Variants in MACROH2A1 observed in about 807,000 individuals in gnomAD.
The protein encoded by MACROH2A1 is macroH2A.1 histone, also known as core histone macro-H2A.1.
In MACROH2A1, 2 loss-of-function variants were observed where a neutral mutation model predicts 31.6. That is an observed-to-expected ratio of 0.06 (90% CI 0.03 to 0.20). The LOEUF is 0.20. Ranked by LOEUF, MACROH2A1 falls within the 10% of genes least tolerant of loss-of-function variation. The pLI, the probability that MACROH2A1 is intolerant of heterozygous loss-of-function variation, is 1.00. For missense variants in MACROH2A1, 230 were observed against 474.0 expected (o/e 0.49, Z 4.78); for synonymous variants, 169 against 189.6 (o/e 0.89, Z 0.89).
rs1760778564 is a variant in MACROH2A1 at position 135,346,004 on chromosome 5, G to A, written c.742C>T (p.Leu248Phe). 6.2e-7 allele frequency: 1 copy of A among 1,613,830 alleles called. No homozygotes were observed. The highest frequency in any genetic ancestry group is 8.5e-7 in the Non-Finnish European group (1 of 1,179,824). The change falls in exon 7 of 9, where the codon CTC (leucine) becomes TTC (phenylalanine). Residue 248 changes from leucine to phenylalanine, a missense_variant. Leu to Phe is a conservative substitution (Grantham distance 22). This residue lies in a region of MACROH2A1 where 183 missense variants were observed against 319.3 expected (regional missense o/e 0.57). Transcript: ENST00000511689. The stretch of plus-strand genomic sequence containing the variant: ...TCCAAGGGCCCGTTCTTTTTCCGGA[G>A]TTCCAGGACAGCTTCCACAAACTCC... ...GKEFVEAVLELRKKNGPLEVA... is the reference protein window; with the variant it reads ...GKEFVEAVLEFRKKNGPLEVA...
chr5:135,376,789 A>G (rs1764935759), intron 2 of MACROH2A1, among the ~76,000 whole-genome samples: 1 of 152,238 alleles, frequency 6.6e-6, no homozygotes, highest in Non-Finnish European at 1.5e-5. Context: ...TAGTATACTC[A>G]GTAAATTCAA....
intron 8 of MACROH2A1, among the ~76,000 whole-genome samples, chr5:135,340,045 T>G (rs1759528136): frequency 6.6e-6 from 1 of 152,094 alleles, no homozygotes; most frequent in African/African-American, 2.4e-5. Context: ...CCAGGTAGTG[T>G]TTTATGCACA....
intron 4 of MACROH2A1, among the ~76,000 whole-genome samples, chr5:135,366,564 G>A (rs1350731317): frequency 5.3e-5 from 8 of 151,642 alleles, no homozygotes; most frequent in African/African-American, 1.9e-4. Flanking sequence ...AAAATAGGGG[G>A]CTCATACGAT....
intron 2 of MACROH2A1, among the ~76,000 whole-genome samples, chr5:135,376,614 C>G (rs1440486454): frequency 6.6e-6 from 1 of 152,092 alleles, no homozygotes; most frequent in African/African-American, 2.4e-5. Flanking sequence ...GGTGAGAGCC[C>G]GGGGTCTGCT....
intron 2 of MACROH2A1, among the ~76,000 whole-genome samples, chr5:135,377,292 T>C (rs1287055632): frequency 6.6e-6 from 1 of 152,242 alleles, no homozygotes; most frequent in African/African-American, 2.4e-5. Context: ...AATCACTTGC[T>C]GTCAAGGACT....
At chr5:135,335,667 C>T (rs371137989) in intron 8 of MACROH2A1, among the ~76,000 whole-genome samples, 30 of 152,310 alleles carry the variant, frequency 2.0e-4, no homozygotes, top group East Asian at 1.2e-3. Flanking sequence ...GAGGCCAGAA[C>T]GCAGGGAGCT....
intron 2 of MACROH2A1, among the ~76,000 whole-genome samples, chr5:135,376,497 G>A (rs561790520): frequency 3.7e-4 from 57 of 152,294 alleles, no homozygotes; most frequent in South Asian, 3.7e-3. Context: ...CTCAGTGCCC[G>A]AATATCTTCC....
chr5:135,373,291 A>G (rs1764421652), intron 2 of MACROH2A1, among the ~76,000 whole-genome samples: 1 of 151,476 alleles, frequency 6.6e-6, no homozygotes, highest in Admixed American at 6.6e-5. Flanking sequence ...AGAATGATGG[A>G]TAAAAAGACC....
rs372746536 is a variant in MACROH2A1, at chr5:135,385,912, A to T, written c.172+3010T>A. Among the ~76,000 whole-genome samples, 243 of 151,774 alleles carry T rather than the reference A, an allele frequency of 1.6e-3. 1 individual carries two copies. The highest frequency in any genetic ancestry group is 0.015 in the South Asian group (74 of 4,784). ...AAGCAGAGGCCACTCTGCCCTGATC[A>T]CTCCTGCACTCTCACACAGAGCCTA... is the stretch of plus-strand genomic sequence containing the variant. On this transcript the variant is annotated intron_variant, in intron 2 of 8. Coordinates refer to ENST00000511689, the MANE Select transcript of MACROH2A1 (RefSeq NM_138610.3).
At chr5:135,380,967 A>C (rs147002078) in intron 2 of MACROH2A1, among the ~76,000 whole-genome samples, 3 of 152,230 alleles carry the variant, frequency 2.0e-5, no homozygotes, top group African/African-American at 7.2e-5. Flanking sequence ...ATTAGAGAAA[A>C]GAAGTTCAAC....
Position 135,343,844 on chromosome 5 carries a change from T to C in MACROH2A1, c.779-410A>G, listed in dbSNP as rs557312828. 8.3e-4 allele frequency: 208 copies of C among 249,986 alleles called. 3 individuals are homozygous for C. In the South Asian group the frequency reaches 0.012, roughly 14 times the overall value. The allele number at this position is 249,986 out of a possible 1,614,324, so 15.5% of individuals were successfully genotyped here. A position where few individuals can be genotyped will look rare whatever the true frequency, so the allele number is the denominator to read the frequency against. ...TTCAAGTCGACTGGTGTGCTAATTA[T>C]CGACTTGCACACCAATATGATGTAT... On this transcript the variant is annotated intron_variant, in intron 7 of 8. Coordinates refer to ENST00000511689, the MANE Select transcript of MACROH2A1 (RefSeq NM_138610.3).
At chr5:135,349,820 G>T (rs1211612362) in intron 6 of MACROH2A1, among the ~76,000 whole-genome samples, 1 of 152,192 alleles carries the variant, frequency 6.6e-6, no homozygotes, top group Non-Finnish European at 1.5e-5. Context: ...CACCAATCAT[G>T]AGCCAGGCTT....
intron 2 of MACROH2A1, among the ~76,000 whole-genome samples, chr5:135,385,028 C>A (rs1766203356): frequency 6.6e-6 from 1 of 152,230 alleles, no homozygotes; most frequent in African/African-American, 2.4e-5. Flanking sequence ...GCTCAGCAGT[C>A]CTCTTAGCAA....
chr5:135,342,820 G>C (rs1410261544), intron 8 of MACROH2A1, among the ~76,000 whole-genome samples: 2 of 152,178 alleles, frequency 1.3e-5, no homozygotes, highest in Non-Finnish European at 2.9e-5. Context: ...GAAAGGAAAG[G>C]GGCAGAGGGC....
intron 1 of MACROH2A1, among the ~76,000 whole-genome samples, chr5:135,392,651 G>C (rs988914313): frequency 6.6e-6 from 1 of 152,220 alleles, no homozygotes; most frequent in African/African-American, 2.4e-5. Context: ...CTGCTCTTCA[G>C]AGGTTTATGC....
chr5:135,391,527 C>T (rs1767239312), intron 1 of MACROH2A1, among the ~76,000 whole-genome samples: 1 of 152,224 alleles, frequency 6.6e-6, no homozygotes, highest in Non-Finnish European at 1.5e-5. Flanking sequence ...TCCTCTGACT[C>T]TAGCTGAGTC....
intron 5 of MACROH2A1, chr5:135,356,619 T>C (rs1252453634): frequency 2.6e-5 from 4 of 152,136 alleles, no homozygotes; most frequent in Non-Finnish European, 5.9e-5. Flanking sequence ...TGGGCCTGGC[T>C]TGTATCTGAG....
chr5:135,367,133 C>A (rs114856249), intron 4 of MACROH2A1, among the ~76,000 whole-genome samples: 4,733 of 152,338 alleles, frequency 0.031, 268 homozygotes, highest in African/African-American at 0.11. Context: ...AAGGCTTTCT[C>A]TGCATGTCCC....
rs764958899 is a variant in MACROH2A1, at chr5:135,343,486, C to T, written c.779-52G>A. Reference sequence around the variant, plus strand: ...CAGTGAGCTCTGGTTCACTGCAAAGCACAAGATGCCAAACACAGACCCACT... The same window carrying T: ...CAGTGAGCTCTGGTTCACTGCAAAGTACAAGATGCCAAACACAGACCCACT... On this transcript the variant is annotated intron_variant, in intron 7 of 8. Transcript: ENST00000511689. The T allele has an allele frequency of 1.5e-5, 24 of 1,602,446 alleles. No individual in the cohort carries two copies. The African/African-American group carries it at 2.5e-4, about 17-fold the overall frequency.
Sources: allele counts gnomAD v4.1 joint callset (sites outside exome capture counted in the v4.1 genomes callset), GRCh38; gene constraint gnomAD v4.1.1; regional missense constraint gnomAD v4.1.1; transcripts MANE v1.5; gene names NCBI Gene and HGNC (gene_info 2026-07-23, HGNC 2026-07-21).